PBX1: variants seen among roughly 807,000 people sequenced by gnomAD.
PBX1 encodes pre-B-cell leukemia transcription factor 1.
A neutral mutation model predicts 53.4 loss-of-function variants in PBX1; 6 were observed. That is an observed-to-expected ratio of 0.11 (90% CI 0.06 to 0.22). PBX1 has a LOEUF of 0.22. PBX1 is among the 10% of genes least tolerant of loss of function. PBX1 has a pLI of 1.00. For missense variants in PBX1, 251 were observed against 551.4 expected (o/e 0.46, Z 5.46); for synonymous variants, 204 against 212.3 (o/e 0.96, Z 0.34).
At chr1:164,722,048 C>T (rs1227863591) in intron 2 of PBX1, among the ~76,000 whole-genome samples, 1 of 152,178 alleles carries the variant, frequency 6.6e-6, no homozygotes, top group Non-Finnish European at 1.5e-5. Context: ...ATATCTTACC[C>T]CCTGACCGAC....
intron 2 of PBX1, among the ~76,000 whole-genome samples, chr1:164,766,807 A>T (rs566186483): frequency 5.2e-4 from 79 of 150,678 alleles, no homozygotes; most frequent in African/African-American, 1.9e-3. Flanking sequence ...GATCACTGCA[A>T]CCTTTGCCTC....
intron 2 of PBX1, among the ~76,000 whole-genome samples, chr1:164,745,536 T>C (rs1665847135): frequency 6.6e-6 from 1 of 152,186 alleles, no homozygotes; most frequent in South Asian, 2.1e-4. Context: ...AGGAACTGTG[T>C]AAAGTGATTT....
At chr1:164,749,148 A>G (rs1666057791) in intron 2 of PBX1, among the ~76,000 whole-genome samples, 1 of 152,214 alleles carries the variant, frequency 6.6e-6, no homozygotes, top group African/African-American at 2.4e-5. Flanking sequence ...AAAAAAGCTG[A>G]TAGCCCTGCC....
Position 164,849,322 on chromosome 1 carries a change from A to T in PBX1, c.*2646A>T. On this transcript the variant is annotated 3_prime_UTR_variant, in exon 9 of 9. Transcript: ENST00000420696. Reference sequence around the variant, plus strand: ...ATTTTCCCCAACCAGCATTTCACTTAGTCTTCTCTATACCCAGCACCTCCC... The same window carrying T: ...ATTTTCCCCAACCAGCATTTCACTTTGTCTTCTCTATACCCAGCACCTCCC... 3 of 1,535,452 alleles carry T rather than the reference A, an allele frequency of 2.0e-6. No individual in the cohort carries two copies. The highest frequency in any genetic ancestry group is 2.6e-6 in the Non-Finnish European group (3 of 1,146,686).
At chr1:164,645,896 G>C (rs942215250) in intron 2 of PBX1, among the ~76,000 whole-genome samples, 1 of 152,136 alleles carries the variant, frequency 6.6e-6, no homozygotes, top group African/African-American at 2.4e-5. Context: ...TTGTGTGATA[G>C]GTAAAGAACT....
At chr1:164,620,082 A>G (rs1216544965) in intron 2 of PBX1, among the ~76,000 whole-genome samples, 1 of 151,790 alleles carries the variant, frequency 6.6e-6, no homozygotes, top group African/African-American at 2.4e-5. Context: ...AGTCCTAGCT[A>G]CTCAGGAGGC....
intron 2 of PBX1, among the ~76,000 whole-genome samples, chr1:164,768,368 C>G (rs1667180861): frequency 6.6e-6 from 1 of 152,184 alleles, no homozygotes; most frequent in Non-Finnish European, 1.5e-5. Flanking sequence ...ACAAGAAGCC[C>G]AGGACACAGA....
intron 2 of PBX1, among the ~76,000 whole-genome samples, chr1:164,651,406 C>T (rs142417507): frequency 6.6e-5 from 10 of 152,066 alleles, no homozygotes; most frequent in African/African-American, 1.7e-4. Flanking sequence ...TATTTCATCT[C>T]GCGTGGTGGC....
chr1:164,587,542 AT>A (rs80276913), intron 2 of PBX1, among the ~76,000 whole-genome samples: 3,733 of 147,104 alleles, frequency 0.025, 176 homozygotes, highest in East Asian at 0.19. Flanking sequence ...TGTGTGTCTG[AT>A]TTTTTTTTTT....
chr1:164,870,274 T>C (rs201398135), intron 2 of PBX1, among the ~76,000 whole-genome samples: 1,391 of 22,586 alleles, frequency 0.062, 28 homozygotes, highest in South Asian at 0.14. Context: ...TCCTTCTTTC[T>C]TTCTTTCTTT....
intron 2 of PBX1, among the ~76,000 whole-genome samples, chr1:164,883,537 G>A (rs1672709606): frequency 6.6e-6 from 1 of 151,730 alleles, no homozygotes; most frequent in Non-Finnish European, 1.5e-5. Flanking sequence ...TCTAATATTT[G>A]CTCACATATA....
chr1:164,782,859 C>T (rs981496425), intron 2 of PBX1, among the ~76,000 whole-genome samples: 1 of 152,164 alleles, frequency 6.6e-6, no homozygotes, highest in Non-Finnish European at 1.5e-5. Context: ...TACATCCTGG[C>T]GGAGAAGGGT....
chr1:164,803,818 A>G (rs1315203319), intron 4 of PBX1, among the ~76,000 whole-genome samples: 1 of 152,204 alleles, frequency 6.6e-6, no homozygotes, highest in Non-Finnish European at 1.5e-5. Context: ...ATAAAATTGC[A>G]CTGGATTCAA....
In PBX1 at chr1:164,815,331, G is replaced by A. The variant is rs1372407117; in HGVS notation, c.997+3182G>A. 6 of 152,186 alleles carry A rather than the reference G, an allele frequency of 3.9e-5. No homozygotes were observed. The East Asian group carries it at 1.2e-3, about 29-fold the overall frequency. 9.4% of individuals were successfully genotyped at this position (152,186 alleles called of 1,614,324 possible). A position where few individuals can be genotyped will look rare whatever the true frequency, so the allele number is the denominator to read the frequency against. On this transcript the variant is annotated intron_variant, in intron 6 of 8. Transcript: ENST00000420696. ...TATCACATTCTGTGATTAGATCAGTGGTAGTGGGCTTACTGAAGCTCAGAA... is the reference window on the plus strand; with the variant it reads ...TATCACATTCTGTGATTAGATCAGTAGTAGTGGGCTTACTGAAGCTCAGAA...
intron 2 of PBX1, among the ~76,000 whole-genome samples, chr1:164,790,277 A>T (rs555089437): frequency 6.6e-6 from 1 of 152,348 alleles, no homozygotes; most frequent in South Asian, 2.1e-4. Flanking sequence ...TTGTGCAAAG[A>T]TCAGCCAAAG....
chr1:164,664,308 G>T (rs546324014), intron 2 of PBX1, among the ~76,000 whole-genome samples: 126 of 152,298 alleles, frequency 8.3e-4, no homozygotes, highest in Non-Finnish European at 1.2e-3. Flanking sequence ...TAAGATGAGG[G>T]AGTTTTTTAG....
intron 2 of PBX1, among the ~76,000 whole-genome samples, chr1:164,672,599 C>A (rs1661178705): frequency 6.6e-6 from 1 of 152,138 alleles, no homozygotes; most frequent in Admixed American, 6.5e-5. Context: ...CCCCTTTCTT[C>A]TTGAGCTGCA....
At chr1:164,578,886 C>A (rs1372251288) in intron 2 of PBX1, among the ~76,000 whole-genome samples, 1 of 152,142 alleles carries the variant, frequency 6.6e-6, no homozygotes, top group Non-Finnish European at 1.5e-5. Context: ...TATTTCCTTT[C>A]TGCCTTTCCC....
intron 2 of PBX1, among the ~76,000 whole-genome samples, chr1:164,676,492 A>C (rs1040243561): frequency 6.6e-6 from 1 of 152,188 alleles, no homozygotes; most frequent in Non-Finnish European, 1.5e-5. Flanking sequence ...ACCATGCCCA[A>C]GCAAGATGGT....
Sources: allele counts gnomAD v4.1 joint callset (sites outside exome capture counted in the v4.1 genomes callset), GRCh38; gene constraint gnomAD v4.1.1; transcripts MANE v1.5; gene names NCBI Gene and HGNC (gene_info 2026-07-23, HGNC 2026-07-21).